Variants in KCNIP4 observed in about 807,000 individuals in gnomAD.
KCNIP4 encodes the protein Kv channel-interacting protein 4.
KCNIP4 carries 12 observed loss-of-function variants against 34.0 expected under a neutral mutation model. That is an observed-to-expected ratio of 0.35 (90% CI 0.23 to 0.57). The LOEUF (loss-of-function observed/expected upper bound fraction) is 0.57. KCNIP4 is among the 20% of genes least tolerant of loss of function. KCNIP4 has a pLI of 0.83. For missense variants in KCNIP4, 238 were observed against 311.7 expected, an observed-to-expected ratio of 0.76 and a Z score of 1.78; for synonymous variants, 124 against 102.2, an observed-to-expected ratio of 1.21 and a Z score of -1.29.
chr4:21,213,115 G>A (rs367926605), intron 1 of KCNIP4, among the ~76,000 whole-genome samples: 2 of 152,196 alleles, frequency 1.3e-5, no homozygotes, highest in East Asian at 3.9e-4. Context: ...GTCCGGACGA[G>A]GTGCATGCTG....
At chr4:21,791,239 A>C (rs1451085847) in intron 1 of KCNIP4, among the ~76,000 whole-genome samples, 3 of 152,102 alleles carry the variant, frequency 2.0e-5, no homozygotes, top group Admixed American at 6.6e-5. Context: ...AGAATGGGGC[A>C]AGCGAGCTCT....
intron 1 of KCNIP4, among the ~76,000 whole-genome samples, chr4:21,556,934 A>AAAAAAAAAAAAAAAAAAAACAAAC (rs1739107567): frequency 6.7e-6 from 1 of 149,782 alleles, no homozygotes; most frequent in South Asian, 2.1e-4. Flanking sequence ...AAAAAAAAAA[A>AAAAAAAAAAAAAAAAAAAACAAAC]AAAAAAAAAC....
chr4:21,333,576 A>G (rs1715865672), intron 1 of KCNIP4, among the ~76,000 whole-genome samples: 1 of 151,980 alleles, frequency 6.6e-6, no homozygotes, highest in Non-Finnish European at 1.5e-5. Flanking sequence ...CCTGAATCTA[A>G]TCCCAGTCTT....
intron 1 of KCNIP4, among the ~76,000 whole-genome samples, chr4:21,231,129 T>A (rs1758759369): frequency 6.6e-6 from 1 of 152,128 alleles, no homozygotes; most frequent in African/African-American, 2.4e-5. Flanking sequence ...GGCCTGACTA[T>A]CATAGAAATG....
intron 1 of KCNIP4, among the ~76,000 whole-genome samples, chr4:21,178,738 AG>A (rs1367361513): frequency 1.3e-5 from 2 of 151,808 alleles, no homozygotes; most frequent in East Asian, 3.9e-4. Flanking sequence ...TTCTCATCTG[AG>A]GACCATATCT....
chr4:20,854,191 G>T (rs192131347), intron 2 of KCNIP4, among the ~76,000 whole-genome samples: 1 of 152,298 alleles, frequency 6.6e-6, no homozygotes, highest in East Asian at 1.9e-4. Context: ...ACTTGCACAT[G>T]CACGTTTACA....
At chr4:21,199,231 T>C (rs966560559) in intron 1 of KCNIP4, among the ~76,000 whole-genome samples, 3 of 152,160 alleles carry the variant, frequency 2.0e-5, no homozygotes, top group Non-Finnish European at 2.9e-5. Context: ...CTCTCCAGCA[T>C]CTGTTGTTTC....
intron 1 of KCNIP4, chr4:21,697,202 T>C: frequency 8.4e-7 from 1 of 1,192,918 alleles, no homozygotes; most frequent in Non-Finnish European, 1.1e-6. Flanking sequence ...TTTAGAAACA[T>C]AAATCTCAGC....
intron 1 of KCNIP4, among the ~76,000 whole-genome samples, chr4:21,318,682 T>C (rs1019939279): frequency 6.6e-6 from 1 of 152,148 alleles, no homozygotes; most frequent in African/African-American, 2.4e-5. Context: ...CAGTGCTTTT[T>C]GATATGTGTC....
intron 1 of KCNIP4, among the ~76,000 whole-genome samples, chr4:21,790,636 G>A (rs971122638): frequency 2.6e-5 from 4 of 151,870 alleles, no homozygotes; most frequent in Admixed American, 6.6e-5. Flanking sequence ...CCAGAAGAGG[G>A]CGCTATCCTC....
intron 1 of KCNIP4, among the ~76,000 whole-genome samples, chr4:21,305,775 C>G (rs1712397058): frequency 6.6e-6 from 1 of 152,212 alleles, no homozygotes. Context: ...TAAAATTGCT[C>G]TATCTATTTA....
chr4:21,106,678 A>C (rs1173372345), intron 1 of KCNIP4, among the ~76,000 whole-genome samples: 2 of 151,230 alleles, frequency 1.3e-5, no homozygotes, highest in East Asian at 3.9e-4. Flanking sequence ...TAGTTCTTTT[A>C]ATTGTAACGT....
chr4:21,762,553 G>A (rs1446105836), intron 1 of KCNIP4, among the ~76,000 whole-genome samples: 2 of 152,100 alleles, frequency 1.3e-5, no homozygotes, highest in Admixed American at 6.6e-5. Context: ...TTAATTTTGA[G>A]CAGAACTGGT....
At chr4:21,507,820 A>C (rs1252278717) in intron 1 of KCNIP4, among the ~76,000 whole-genome samples, 1 of 152,154 alleles carries the variant, frequency 6.6e-6, no homozygotes, top group Non-Finnish European at 1.5e-5. Context: ...AAGCAAATAC[A>C]TCCTAATTCT....
chr4:21,458,239 C>T lies in KCNIP4; in HGVS notation c.61+490332G>A, dbSNP rs145742803. Among the ~76,000 whole-genome samples the T allele has an allele frequency of 2.5e-3, 370 of 147,676 alleles. 1 individual carries two copies. The highest frequency in any genetic ancestry group is 8.2e-3 in the African/African-American group (330 of 40,054). Reference sequence around the variant, plus strand: ...ATTCCCACCTATGAGTGAGAATATGCGGTGTTTGGTTGTTTGTTCTTGCGA... The same window carrying T: ...ATTCCCACCTATGAGTGAGAATATGTGGTGTTTGGTTGTTTGTTCTTGCGA... On this transcript the variant is annotated intron_variant, in intron 1 of 8. Transcript: ENST00000382152.
chr4:20,888,711 C>A (rs761142172), intron 1 of KCNIP4, among the ~76,000 whole-genome samples: 2 of 152,126 alleles, frequency 1.3e-5, no homozygotes, highest in Non-Finnish European at 2.9e-5. Context: ...CTACATAAAC[C>A]ACTGAGCCTA....
In KCNIP4 at chr4:20,835,340, A is replaced by C. The variant is rs564787404; in HGVS notation, c.288+15203T>G. Among the ~76,000 whole-genome samples the C allele has an allele frequency of 6.6e-5, 10 of 152,250 alleles. No homozygotes were observed. In the South Asian group the frequency reaches 2.1e-3, roughly 32 times the overall value. ...TTTAAGTCATTCTTAGTGGTCAAAA[A>C]GGTATGCACTTAGGTGCTAGGGTAC... On this transcript the variant is annotated intron_variant, in intron 3 of 8. Coordinates refer to ENST00000382152, the MANE Select transcript of KCNIP4 (RefSeq NM_025221.6).
intron 1 of KCNIP4, among the ~76,000 whole-genome samples, chr4:21,112,025 G>A (rs372953893): frequency 1.7e-5 from 2 of 114,730 alleles, no homozygotes; most frequent in Admixed American, 1.7e-4. Flanking sequence ...TCCTTTCTCT[G>A]TATCTATCTA....
chr4:20,756,692 T>G (rs1560441502), intron 4 of KCNIP4, among the ~76,000 whole-genome samples: 2 of 151,996 alleles, frequency 1.3e-5, no homozygotes, highest in South Asian at 2.1e-4. Context: ...GCTGTCCTGA[T>G]CATGCCCAAC....
Sources: allele counts gnomAD v4.1 joint callset (sites outside exome capture counted in the v4.1 genomes callset), GRCh38; gene constraint gnomAD v4.1.1; transcripts MANE v1.5; gene names NCBI Gene and HGNC (gene_info 2026-07-23, HGNC 2026-07-21).